NLRP12: variants seen among roughly 807,000 people sequenced by gnomAD.
NLRP12 encodes the protein NACHT, LRR and PYD domains-containing protein 12.
In NLRP12, 108 loss-of-function variants were observed where a neutral mutation model predicts 91.2. That is an observed-to-expected ratio of 1.18 (90% CI 1.01 to 1.39). NLRP12 has a LOEUF of 1.39. Among genes scored for constraint, NLRP12 ranks in the 40% most tolerant of loss-of-function variants. The pLI, the probability that NLRP12 is intolerant of heterozygous loss-of-function variation, is 0.00. For synonymous variants in NLRP12, 613 were observed against 566.7 expected (o/e 1.08, Z -1.16); for missense variants, 1,530 against 1,352.7 (o/e 1.13, Z -2.06).
In NLRP12 at chr19:53,796,006, G is replaced by A; in HGVS notation, c.2951C>T (p.Ala984Val). 1 of 1,614,094 alleles carries A rather than the reference G, an allele frequency of 6.2e-7. No individual in the cohort carries two copies. Among genetic ancestry groups the A allele is most frequent in the Non-Finnish European group, 8.5e-7 (1 of 1,179,962 alleles). Reference protein sequence around the residue: ...KLWLDSCGLTAKACENLYFTL... With the variant: ...KLWLDSCGLTVKACENLYFTL... The stretch of plus-strand genomic sequence containing the variant: ...GAAGTAAAGATTCTCACAAGCCTTG[G>A]CTGTGAGGCCACAGCTATCCAGCCT... The change falls in exon 9 of 10, where the codon GCC becomes GTC. Residue 984 changes from alanine to valine, a missense_variant. Ala to Val is a moderately conservative substitution (Grantham distance 64, BLOSUM62 0). Transcript: ENST00000324134.
chr19:53,795,864 G>C lies in NLRP12; in HGVS notation c.3093C>G (p.Val1031=), dbSNP rs777623998. 1.9e-6 allele frequency: 3 copies of C among 1,613,964 alleles called. No homozygotes were observed. The South Asian group carries it at 3.3e-5, about 18-fold the overall frequency. The part of the protein sequence containing the change: ...RLSHPGCKLR[V]LWLFGMDLNK... ...AACTGGTCATCATCCCTCACCAGAG[G>C]ACTCGGAGTTTGCAGCCAGGATGGC... The change falls in exon 9 of 10, where the codon GTC becomes GTG. Residue 1031 remains valine (V), a synonymous_variant. Transcript: ENST00000324134.
At position 53,810,508 on chromosome 19, in the gene NLRP12, G is replaced by T; in HGVS notation, c.1151C>A (p.Ala384Glu). The change falls in exon 3 of 10, where the codon GCG becomes GAG. Residue 384 changes from alanine (A) to glutamate (E), a missense_variant. Coordinates refer to ENST00000324134, the MANE Select transcript of NLRP12 (RefSeq NM_144687.4). Reference sequence around the variant, plus strand: ...CCTCACGTAATTGAAGACTTGGCCCGCCTGCTCTGCATTGTGGAAATACTT... The same window carrying T: ...CCTCACGTAATTGAAGACTTGGCCCTCCTGCTCTGCATTGTGGAAATACTT... ...FYKYFHNAEQAGQVFNYVRDN... is the reference protein window; with the variant it reads ...FYKYFHNAEQEGQVFNYVRDN... The T allele has an allele frequency of 1.2e-6, 2 of 1,614,058 alleles. No homozygotes were observed. Among genetic ancestry groups the T allele is most frequent in the Non-Finnish European group, 8.5e-7 (1 of 1,180,018 alleles).
At chr19:53,813,781 G>A (rs1447506255) in intron 2 of NLRP12, among the ~76,000 whole-genome samples, 1 of 151,760 alleles carries the variant, frequency 6.6e-6, no homozygotes, top group African/African-American at 2.4e-5. Context: ...TCAACCTCCT[G>A]GGCTCAACTA....
chr19:53,795,136 G>A (rs1308297436), intron 9 of NLRP12, among the ~76,000 whole-genome samples: 3 of 149,362 alleles, frequency 2.0e-5, no homozygotes, highest in Non-Finnish European at 4.5e-5. Flanking sequence ...GTGTGTGTGT[G>A]TAAAGAAAGC....
intron 1 of NLRP12, among the ~76,000 whole-genome samples, chr19:53,819,067 C>G (rs576328879): frequency 4.6e-5 from 7 of 152,078 alleles, no homozygotes; most frequent in East Asian, 1.9e-4. Flanking sequence ...GAAGAACGCT[C>G]GGCAAATGGT....
intron 2 of NLRP12, among the ~76,000 whole-genome samples, chr19:53,812,509 G>T (rs2092092646): frequency 6.6e-6 from 1 of 151,996 alleles, no homozygotes; most frequent in Non-Finnish European, 1.5e-5. Context: ...CAAGTGGGTT[G>T]GTTGTTACAA....
chr19:53,806,557 T>A (rs1221197930), intron 4 of NLRP12, among the ~76,000 whole-genome samples: 1 of 151,234 alleles, frequency 6.6e-6, no homozygotes. Context: ...GGCACCTGCC[T>A]GTAGTCCCAG....
chr19:53,805,546 G>A (rs898067850), intron 4 of NLRP12, 96 bp from the exon 5 acceptor site: 16 of 1,344,980 alleles, frequency 1.2e-5, no homozygotes, highest in Non-Finnish European at 1.5e-5. Flanking sequence ...CTGAGACAGA[G>A]TCGCTCTGTC....
chr19:53,817,237 CT>C (rs1346694773), intron 1 of NLRP12, among the ~76,000 whole-genome samples: 1 of 151,948 alleles, frequency 6.6e-6, no homozygotes, highest in Non-Finnish European at 1.5e-5. Flanking sequence ...CAAGACTAGC[CT>C]TACCAACGTG....
chr19:53,815,124 T>C, intron 1 of NLRP12, 136 bp from the exon 2 acceptor site: 1 of 728,228 alleles, frequency 1.4e-6, no homozygotes, highest in East Asian at 2.6e-5. Flanking sequence ...AGTGACTGCA[T>C]AGGCCGTGTG....
intron 1 of NLRP12, among the ~76,000 whole-genome samples, chr19:53,815,534 A>G: frequency 6.9e-6 from 1 of 145,280 alleles, no homozygotes; most frequent in East Asian, 2.2e-4. Context: ...GCACCAACCA[A>G]TCTTTTTGAC....
chr19:53,813,259 CCT>C (rs2092104424), intron 2 of NLRP12, among the ~76,000 whole-genome samples: 1 of 150,254 alleles, frequency 6.7e-6, no homozygotes, highest in South Asian at 2.1e-4. Flanking sequence ...CATAATTTCT[CCT>C]CTCCCTGGCA....
chr19:53,799,868 T>C (rs2122548279), intron 7 of NLRP12, among the ~76,000 whole-genome samples: 1 of 152,150 alleles, frequency 6.6e-6, no homozygotes, highest in East Asian at 1.9e-4. Context: ...AGCTAGGGAT[T>C]AGAAAGGGTG....
Position 53,795,880 on chromosome 19 carries a change from C to A in NLRP12, c.3077G>T (p.Gly1026Val). 6.2e-7 allele frequency: 1 copy of A among 1,614,148 alleles called. No individual in the cohort carries two copies. The highest frequency in any genetic ancestry group is 8.5e-7 in the Non-Finnish European group (1 of 1,180,014). The change falls in exon 9 of 10, where the codon GGC becomes GTC. Residue 1026 changes from glycine (G) to valine (V), a missense_variant. Physicochemically the swap from Gly to Val is moderately radical, Grantham distance 109. Coordinates refer to ENST00000324134, the MANE Select transcript of NLRP12 (RefSeq NM_144687.4). ...RLLCKRLSHP[G>V]CKLRVLWLFG... ...TCACCAGAGGACTCGGAGTTTGCAG[C>A]CAGGATGGCTCAGCCGCTTGCAAAG...
In NLRP12 at chr19:53,801,233, G is replaced by A. The variant is rs760120881; in HGVS notation, c.2750C>T (p.Thr917Ile). Residue 917 changes from threonine (T) to isoleucine (I), a missense_variant, in exon 7 of 10, where the codon ACC becomes ATC. Physicochemically the swap from Thr to Ile is moderately conservative, Grantham distance 89. Transcript: ENST00000324134. ...GLRHPTCKLQTLRLGICRLGS... is the reference protein window; with the variant it reads ...GLRHPTCKLQILRLGICRLGS... ...TGAGCAAAACGGGACTCACCGCAGGGTCTGGAGCTTGCACGTGGGATGCCT... is the reference window on the plus strand; with the variant it reads ...TGAGCAAAACGGGACTCACCGCAGGATCTGGAGCTTGCACGTGGGATGCCT... 2.7e-5 allele frequency: 43 copies of A among 1,613,788 alleles called. No homozygotes were observed. The highest frequency in any genetic ancestry group is 3.6e-5 in the Non-Finnish European group (42 of 1,179,978).
chr19:53,823,253 ATATT>A (rs1009379089), intron 1 of NLRP12, among the ~76,000 whole-genome samples: 24 of 136,512 alleles, frequency 1.8e-4, no homozygotes, highest in East Asian at 9.9e-4. Context: ...TTAATATATA[ATATT>A]TATTATTTAT....
intron 3 of NLRP12, 58 bp from the exon 4 acceptor site, chr19:53,807,723 C>T: frequency 6.3e-7 from 1 of 1,576,934 alleles, no homozygotes; most frequent in South Asian, 1.1e-5. Context: ...CAACTATGGC[C>T]TTTGCATGTC....
chr19:53,803,185 CTTTTTTT>C (rs112504038), intron 6 of NLRP12, among the ~76,000 whole-genome samples: 1 of 147,174 alleles, frequency 6.8e-6, no homozygotes, highest in African/African-American at 2.5e-5. Context: ...ATCTCTGGAA[CTTTTTTT>C]TTTTTTGAGA....
In NLRP12 at chr19:53,810,470, G is replaced by A; in HGVS notation, c.1189C>T (p.Leu397Phe). Residue 397 changes from leucine to phenylalanine, a missense_variant, in exon 3 of 10, where the codon CTC (leucine) becomes TTC (phenylalanine). By Grantham distance (22) the Leu-to-Phe change is conservative. Coordinates refer to ENST00000324134, the MANE Select transcript of NLRP12 (RefSeq NM_144687.4). ...VFNYVRDNEP[L>F]FTMCFVPLVC... ...AGGGGGACGAAGCACATGGTGAAGA[G>A]AGGCTCGTTGTCCCTCACGTAATTG... is the stretch of plus-strand genomic sequence containing the variant. 6.2e-7 allele frequency: 1 copy of A among 1,614,158 alleles called. No homozygotes were observed. The highest frequency in any genetic ancestry group is 8.5e-7 in the Non-Finnish European group (1 of 1,180,034).
Sources: gnomAD v4.1 joint callset for allele counts (sites outside exome capture counted in the v4.1 genomes callset) on GRCh38, gnomAD v4.1.1 for gene constraint, MANE v1.5 for transcripts, NCBI Gene and HGNC (gene_info 2026-07-23, HGNC 2026-07-21) for gene names.